ASXL2: variants seen among roughly 807,000 people sequenced by gnomAD.
ASXL2 encodes the protein ASXL transcriptional regulator 2.
A neutral mutation model predicts 122.0 loss-of-function variants in ASXL2; 23 were observed. The observed-to-expected ratio is 0.19, with a 90% CI of 0.14 to 0.27. ASXL2 has a LOEUF of 0.27. Ranked by LOEUF, ASXL2 falls within the 10% of genes least tolerant of loss-of-function variation. The pLI, the probability that ASXL2 is intolerant of heterozygous loss-of-function variation, is 1.00. For missense variants in ASXL2, 1,518 were observed against 1,713.8 expected (o/e 0.89, Z 2.02); for synonymous variants, 650 against 637.0 (o/e 1.02, Z -0.31).
intron 6 of ASXL2, among the ~76,000 whole-genome samples, 172 bp downstream of exon 6, chr2:25,771,266 CAT>C (rs1212093235): frequency 1.3e-5 from 2 of 152,276 alleles, no homozygotes; most frequent in Non-Finnish European, 1.5e-5. Context: ...ACGTATGTAA[CAT>C]GTGTTACAAA....
chr2:25,743,831 T>C lies in ASXL2; in HGVS notation c.2506A>G (p.Thr836Ala), dbSNP rs780470199. ...GCACCTGAGATTAGAGCAGGACCTG[T>C]TGGAGAAGGTGCTTTCTCCTGTCTG... ...SCRQEKAPSP[T>A]GPALISGASP... is the part of the protein sequence containing the mutation. The change falls in exon 13 of 13, where the codon ACA becomes GCA. Residue 836 changes from threonine to alanine, a missense_variant. By Grantham distance (58) the Thr-to-Ala change is moderately conservative. Coordinates refer to ENST00000435504, the MANE Select transcript of ASXL2 (RefSeq NM_018263.6). 3.7e-6 allele frequency: 6 copies of C among 1,613,930 alleles called. No homozygotes were observed. Among genetic ancestry groups the C allele is most frequent in the Non-Finnish European group, 4.2e-6 (5 of 1,179,912 alleles).
intron 2 of ASXL2, among the ~76,000 whole-genome samples, chr2:25,843,656 G>T (rs374093606): frequency 1.3e-5 from 2 of 151,760 alleles, no homozygotes; most frequent in South Asian, 4.2e-4. Context: ...AGAATTTCAC[G>T]TCAGAGAAAA....
intron 6 of ASXL2, 96 bp downstream of exon 6, chr2:25,771,344 T>A (rs1365916526): frequency 2.8e-6 from 3 of 1,073,590 alleles, no homozygotes; most frequent in Non-Finnish European, 4.0e-6. Context: ...AAGGGCCCAA[T>A]GTAAAAAATT....
chr2:25,874,327 A>G (rs916068151), intron 1 of ASXL2, among the ~76,000 whole-genome samples: 1 of 152,288 alleles, frequency 6.6e-6, no homozygotes, highest in South Asian at 2.1e-4. Flanking sequence ...CATCTCTACA[A>G]AAAATTAAAA....
At chr2:25,764,872 T>G (rs922889025) in intron 8 of ASXL2, among the ~76,000 whole-genome samples, 9 of 152,340 alleles carry the variant, frequency 5.9e-5, no homozygotes, top group African/African-American at 2.2e-4. Context: ...TAGTTGTGAA[T>G]TATTTTCTAC....
intron 5 of ASXL2, among the ~76,000 whole-genome samples, chr2:25,782,822 T>C (rs2149162654): frequency 1.3e-5 from 2 of 152,256 alleles, no homozygotes. Flanking sequence ...AAGATTATTA[T>C]CTTTAAACAT....
chr2:25,759,373 A>T (rs2088198588), intron 9 of ASXL2, 109 bp downstream of exon 9: 1 of 1,225,920 alleles, frequency 8.2e-7, no homozygotes, highest in Non-Finnish European at 1.1e-6. Context: ...CCTGCCTATT[A>T]AGAAACTTAT....
chr2:25,816,900 G>A (rs1441276548), intron 3 of ASXL2, among the ~76,000 whole-genome samples: 1 of 152,184 alleles, frequency 6.6e-6, no homozygotes, highest in South Asian at 2.1e-4. Flanking sequence ...CGAGGTTGGC[G>A]GATCACCTGA....
Position 25,742,093 on chromosome 2 carries a change from G to A in ASXL2, c.4244C>T (p.Ala1415Val), listed in dbSNP as rs968504086. ...GCCGATGCAATCATCATGGCAGAAA[G>A]CGCCACAGCCTTTGCACATGATCAT... ...KAMIMCKGCG[A>V]FCHDDCIGPS... Residue 1415 changes from alanine (A) to valine (V), a missense_variant, in exon 13 of 13, where the codon GCT becomes GTT. Around this residue, in one of 8 missense-constraint regions of ASXL2, gnomAD observed 17 missense variants for 37.3 expected, o/e 0.46. Transcript: ENST00000435504. The A allele has an allele frequency of 6.2e-7, 1 of 1,613,942 alleles. No individual in the cohort carries two copies. The highest frequency in any genetic ancestry group is 1.3e-5 in the African/African-American group (1 of 74,934).
At chr2:25,801,564 G>C (rs1188115457) in intron 4 of ASXL2, among the ~76,000 whole-genome samples, 1 of 152,054 alleles carries the variant, frequency 6.6e-6, no homozygotes, top group Non-Finnish European at 1.5e-5. Context: ...AGAGTTAGTT[G>C]TCAGCCAGAC....
Position 25,856,049 on chromosome 2 carries a change from A to G in ASXL2, c.58-10486T>C, listed in dbSNP as rs576802876. Among the ~76,000 whole-genome samples, 5 of 150,472 alleles carry G rather than the reference A, an allele frequency of 3.3e-5. No individual in the cohort carries two copies. In the East Asian group the frequency reaches 1.0e-3, roughly 30 times the overall value. ...GCTGGGATTACAGGCATGCACCACC[A>G]TACCTAATTTTTGTTTTTTGTTTTT... On this transcript the variant is annotated intron_variant, in intron 1 of 12. Coordinates refer to ENST00000435504, the MANE Select transcript of ASXL2 (RefSeq NM_018263.6).
chr2:25,804,921 G>C (rs2089059597), intron 4 of ASXL2, among the ~76,000 whole-genome samples: 1 of 152,120 alleles, frequency 6.6e-6, no homozygotes, highest in Admixed American at 6.5e-5. Context: ...GTGGTGGTGG[G>C]CATCTGTAAT....
intron 4 of ASXL2, among the ~76,000 whole-genome samples, chr2:25,804,028 A>G (rs746002926): frequency 1.3e-5 from 2 of 152,214 alleles, no homozygotes; most frequent in African/African-American, 2.4e-5. Flanking sequence ...GGCATTTAAT[A>G]AATTTTTTAA....
At chr2:25,873,022 T>G (rs967768769) in intron 1 of ASXL2, among the ~76,000 whole-genome samples, 9 of 152,100 alleles carry the variant, frequency 5.9e-5, no homozygotes, top group African/African-American at 1.9e-4. Flanking sequence ...TTTCTGAGAT[T>G]TTGGTGCACC....
chr2:25,833,175 C>G (rs2089473679), intron 3 of ASXL2, among the ~76,000 whole-genome samples: 1 of 152,122 alleles, frequency 6.6e-6, no homozygotes, highest in South Asian at 2.1e-4. Context: ...TACACACACC[C>G]CGGTACCAGT....
intron 1 of ASXL2, among the ~76,000 whole-genome samples, chr2:25,862,546 T>C (rs1391164917): frequency 1.3e-5 from 2 of 152,226 alleles, no homozygotes; most frequent in East Asian, 1.9e-4. Context: ...TAAATGCCTA[T>C]TGTGTGCATA....
At chr2:25,868,673 A>G (rs996952047) in intron 1 of ASXL2, among the ~76,000 whole-genome samples, 1 of 152,224 alleles carries the variant, frequency 6.6e-6, no homozygotes, top group African/African-American at 2.4e-5. Context: ...ATACTCAACC[A>G]GTTTTCATGG....
rs879607803 is a variant in ASXL2 at position 25,765,490 on chromosome 2, GA to G, written c.775+2092del. On this transcript the variant is annotated intron_variant, in intron 8 of 12. Coordinates refer to ENST00000435504, the MANE Select transcript of ASXL2 (RefSeq NM_018263.6). ...AGAGCGCGACTCCCTCTCAAAAAAA[GA>G]AAAAAAAAAAGAAAATAGTCATTGT... is the stretch of plus-strand genomic sequence containing the variant. Among the ~76,000 whole-genome samples, 324 of 139,612 alleles carry G rather than the reference GA, an allele frequency of 2.3e-3. 1 individual carries two copies. The highest frequency in any genetic ancestry group is 7.8e-3 in the African/African-American group (296 of 38,032). The allele number at this position is 139,612 out of a possible 152,430, so 91.6% of individuals were successfully genotyped here.
rs1331740893 is a variant in ASXL2 at position 25,736,614 on chromosome 2, A to G, written c.*5415T>C. On this transcript the variant is annotated 3_prime_UTR_variant, in exon 13 of 13. Coordinates refer to ENST00000435504, the MANE Select transcript of ASXL2 (RefSeq NM_018263.6). ...ATACTTGACATTCCAGTATCTGAAA[A>G]ATAAAAACTGTCTTTTAAAAAGCCA... 1 of 152,142 alleles carries G rather than the reference A, an allele frequency of 6.6e-6. No homozygotes were observed. The highest frequency in any genetic ancestry group is 1.5e-5 in the Non-Finnish European group (1 of 68,032). The allele number at this position is 152,142 out of a possible 1,614,324, so 9.4% of individuals were successfully genotyped here. A position where few individuals can be genotyped will look rare whatever the true frequency, so the allele number is the denominator to read the frequency against.
Sources: gnomAD v4.1 joint callset for allele counts (sites outside exome capture counted in the v4.1 genomes callset) on GRCh38, gnomAD v4.1.1 for gene constraint, gnomAD v4.1.1 regional missense constraint, MANE v1.5 for transcripts, NCBI Gene and HGNC (gene_info 2026-07-23, HGNC 2026-07-21) for gene names.